PKIA: variants seen among roughly 807,000 people sequenced by gnomAD.
The protein encoded by PKIA is cAMP-dependent protein kinase inhibitor alpha.
In PKIA, 4 loss-of-function variants were observed where a neutral mutation model predicts 7.6. That is an observed-to-expected ratio of 0.52 (90% CI 0.26 to 1.20). The LOEUF is 1.20. PKIA is among the 50% of genes most tolerant of loss of function. The pLI is 0.13. For missense variants in PKIA, 73 were observed against 86.2 expected, an observed-to-expected ratio of 0.85 and a Z score of 0.61; for synonymous variants, 21 against 30.7, an observed-to-expected ratio of 0.68 and a Z score of 1.04.
intron 1 of PKIA, among the ~76,000 whole-genome samples, chr8:78,547,389 CA>C (rs1227171683): frequency 6.6e-6 from 1 of 152,180 alleles, no homozygotes; most frequent in Admixed American, 6.5e-5. Flanking sequence ...AGGCGTGAGC[CA>C]CCGCACCTGG....
At chr8:78,556,481 G>A (rs1325863511) in intron 1 of PKIA, 1 of 151,840 alleles carries the variant, frequency 6.6e-6, no homozygotes, top group African/African-American at 2.4e-5. Context: ...GTTAAGAAGT[G>A]AGGAAAAAAG....
rs1263904742 is a variant in PKIA, at chr8:78,602,513, T to C, written c.*692T>C. ...ACACAGTCTTTCCCCTTGCTCATTG[T>C]ATGTTGATGAGTTGATTAAGTCTAA... On this transcript the variant is annotated 3_prime_UTR_variant, in exon 4 of 4. Coordinates refer to ENST00000396418, the MANE Select transcript of PKIA (RefSeq NM_006823.4). 6.6e-6 allele frequency: 1 copy of C among 152,298 alleles called. No individual in the cohort carries two copies. Among genetic ancestry groups the C allele is most frequent in the Non-Finnish European group, 1.5e-5 (1 of 67,916 alleles). 9.4% of individuals were successfully genotyped at this position (152,298 alleles called of 1,614,324 possible).
Position 78,596,529 on chromosome 8 carries a change from G to A in PKIA, c.-27-1829G>A, listed in dbSNP as rs547566370. Among the ~76,000 whole-genome samples, 6 of 152,252 alleles carry A rather than the reference G, an allele frequency of 3.9e-5. No individual in the cohort carries two copies. The South Asian group carries it at 6.2e-4, about 16-fold the overall frequency. ...GCTGGGATTACAGGCGTGAGCCACCGCTTGTTGATTTAAGCTCCTTTTCAG... is the reference window on the plus strand; with the variant it reads ...GCTGGGATTACAGGCGTGAGCCACCACTTGTTGATTTAAGCTCCTTTTCAG... On this transcript the variant is annotated intron_variant, in intron 2 of 3. Coordinates refer to ENST00000396418, the MANE Select transcript of PKIA (RefSeq NM_006823.4).
intron 3 of PKIA, among the ~76,000 whole-genome samples, chr8:78,599,478 C>T (rs765671727): frequency 6.6e-6 from 1 of 151,982 alleles, no homozygotes; most frequent in Non-Finnish European, 1.5e-5. Flanking sequence ...TGAAATGGCT[C>T]AGCAACATTA....
chr8:78,548,307 G>A (rs1806885988), intron 1 of PKIA, among the ~76,000 whole-genome samples: 2 of 152,020 alleles, frequency 1.3e-5, no homozygotes, highest in African/African-American at 2.4e-5. Context: ...TTCCAGTCAT[G>A]ATCTCCTAGT....
At chr8:78,553,028 T>G (rs1027130992) in intron 1 of PKIA, among the ~76,000 whole-genome samples, 18 of 151,992 alleles carry the variant, frequency 1.2e-4, no homozygotes, top group African/African-American at 3.9e-4. Flanking sequence ...GTACTTTTAT[T>G]TTTTAAATTT....
chr8:78,555,537 A>G (rs1471377140), intron 1 of PKIA, among the ~76,000 whole-genome samples: 4 of 152,026 alleles, frequency 2.6e-5, no homozygotes. Context: ...AAAAGGCTCA[A>G]AATATAGGAA....
chr8:78,581,763 T>A (rs1344531725), intron 2 of PKIA, among the ~76,000 whole-genome samples: 1 of 152,098 alleles, frequency 6.6e-6, no homozygotes, highest in African/African-American at 2.4e-5. Context: ...TTTAGGCTAA[T>A]CCTTTTGTTA....
At chr8:78,551,846 T>A (rs1806992616) in intron 1 of PKIA, among the ~76,000 whole-genome samples, 1 of 152,022 alleles carries the variant, frequency 6.6e-6, no homozygotes, top group South Asian at 2.1e-4. Flanking sequence ...TATCTCTGTT[T>A]CCTTGGTTTT....
chr8:78,543,181 C>T (rs1487665976), intron 1 of PKIA, among the ~76,000 whole-genome samples: 2 of 152,176 alleles, frequency 1.3e-5, no homozygotes, highest in Non-Finnish European at 2.9e-5. Flanking sequence ...TTAAGATTTG[C>T]TTTTAAATAA....
intron 1 of PKIA, among the ~76,000 whole-genome samples, chr8:78,530,168 A>G (rs1024235595): frequency 4.5e-4 from 68 of 152,074 alleles, no homozygotes; most frequent in African/African-American, 1.6e-3. Flanking sequence ...TTATTGGACA[A>G]TACCAACTCT....
At chr8:78,529,530 A>G (rs1165281764) in intron 1 of PKIA, among the ~76,000 whole-genome samples, 2 of 152,084 alleles carry the variant, frequency 1.3e-5, no homozygotes, top group African/African-American at 2.4e-5. Flanking sequence ...TTAAAAATTA[A>G]AAATACTAAT....
At chr8:78,575,089 G>A (rs569860809) in intron 2 of PKIA, among the ~76,000 whole-genome samples, 27 of 151,932 alleles carry the variant, frequency 1.8e-4, no homozygotes, top group African/African-American at 6.3e-4. Flanking sequence ...TTCGGTAACC[G>A]GGAAATTTTT....
At chr8:78,576,127 A>C (rs1038657027) in intron 2 of PKIA, among the ~76,000 whole-genome samples, 1 of 152,020 alleles carries the variant, frequency 6.6e-6, no homozygotes, top group African/African-American at 2.4e-5. Context: ...TAAAGGGCCT[A>C]TCTCCAAATG....
At chr8:78,592,447 A>G (rs1808124279) in intron 2 of PKIA, among the ~76,000 whole-genome samples, 1 of 152,082 alleles carries the variant, frequency 6.6e-6, no homozygotes, top group African/African-American at 2.4e-5. Context: ...TTTCTATGTT[A>G]CTTTAAAGGT....
rs1224292956 is a variant in PKIA at position 78,518,627 on chromosome 8, T to C, written c.-157+2159T>C. Among the ~76,000 whole-genome samples the C allele has an allele frequency of 2.6e-5, 4 of 152,158 alleles. No individual in the cohort carries two copies. The East Asian group carries it at 5.8e-4, about 22-fold the overall frequency. On this transcript the variant is annotated intron_variant, in intron 1 of 3. Coordinates refer to ENST00000396418, the MANE Select transcript of PKIA (RefSeq NM_006823.4). ...CAAGTGCGTGAGAATATCCTAATGA[T>C]GGTTAGAAATTCGAAGTGTCTATCA...
intron 2 of PKIA, among the ~76,000 whole-genome samples, chr8:78,585,419 A>G (rs1259466817): frequency 6.6e-6 from 1 of 152,172 alleles, no homozygotes; most frequent in Non-Finnish European, 1.5e-5. Flanking sequence ...AACTTATAAC[A>G]GTGTCAGAGA....
intron 2 of PKIA, among the ~76,000 whole-genome samples, chr8:78,594,700 A>G (rs1230589167): frequency 6.6e-6 from 1 of 152,206 alleles, no homozygotes; most frequent in Non-Finnish European, 1.5e-5. Flanking sequence ...ATATTCTCCA[A>G]CATGTGTCAT....
intron 2 of PKIA, among the ~76,000 whole-genome samples, chr8:78,583,015 C>T (rs1024302624): frequency 6.6e-5 from 10 of 152,250 alleles, no homozygotes; most frequent in African/African-American, 2.2e-4. Context: ...GAAACCTGGG[C>T]ACTTATTTAG....
Sources: gnomAD v4.1 joint callset for allele counts (sites outside exome capture counted in the v4.1 genomes callset) on GRCh38, gnomAD v4.1.1 for gene constraint, MANE v1.5 for transcripts, NCBI Gene and HGNC (gene_info 2026-07-23, HGNC 2026-07-21) for gene names.